Variants in JADE3 observed in about 807,000 individuals in gnomAD.
JADE3 encodes protein Jade-3.
In JADE3, 2 loss-of-function variants were observed where a neutral mutation model predicts 50.1. That is an observed-to-expected ratio of 0.04 (90% CI 0.02 to 0.13). The LOEUF (loss-of-function observed/expected upper bound fraction) is 0.13. JADE3 is among the 10% of genes least tolerant of loss of function. JADE3 has a pLI of 1.00. For synonymous variants in JADE3, 218 were observed against 232.9 expected (o/e 0.94, Z 0.58); for missense variants, 475 against 634.4 (o/e 0.75, Z 2.70).
intron 1 of JADE3, among the ~76,000 whole-genome samples, chrX:46,923,788 G>A (rs1926296847): frequency 2.7e-5 from 3 of 110,711 alleles, no homozygotes; most frequent in Non-Finnish European, 5.7e-5. Flanking sequence ...TTTTTACTTT[G>A]TGCTGCTTCC....
chrX:47,033,597 C>T (rs1283568651), intron 6 of JADE3, 24 bp from the exon 7 acceptor site: 39 of 1,179,418 alleles, frequency 3.3e-5, no homozygotes, highest in Non-Finnish European at 4.3e-5. Context: ...TGACCATTCT[C>T]CCCTCTCCTC....
chrX:47,027,767 T>A, intron 5 of JADE3, 125 bp from the exon 6 acceptor site: 1 of 528,306 alleles, frequency 1.9e-6, no homozygotes, highest in Non-Finnish European at 3.1e-6. Flanking sequence ...TCTGGTTGTT[T>A]TAGAGCAGGA....
rs1177978716 is a variant in JADE3, at chrX:47,060,901, A to G, written c.*1824A>G. On this transcript the variant is annotated 3_prime_UTR_variant, in exon 11 of 11. Coordinates refer to ENST00000614628, the MANE Select transcript of JADE3 (RefSeq NM_014735.5). ...AGCCTTTGTCCCTTCATGCCTTTCA[A>G]TTCTGAGTGGGAGGAAAAGCAAACA... 1 of 112,164 alleles carries G rather than the reference A, an allele frequency of 8.9e-6. No individual in the cohort carries two copies. Among genetic ancestry groups the G allele is most frequent in the African/African-American group, 3.2e-5 (1 of 30,788 alleles). 9.2% of individuals were successfully genotyped at this position (112,164 alleles called of 1,213,427 possible).
chrX:47,058,520 C>T lies in JADE3; in HGVS notation c.1915C>T (p.Pro639Ser). 4 of 1,211,639 alleles carry T rather than the reference C, an allele frequency of 3.3e-6. No homozygotes were observed. Among genetic ancestry groups the T allele is most frequent in the Non-Finnish European group, 4.5e-6 (4 of 895,413 alleles). The change falls in exon 11 of 11, where the codon CCT becomes TCT. Residue 639 changes from proline (P) to serine (S), a missense_variant. This residue lies in a region of JADE3 where 243 missense variants were observed against 238.2 expected (regional missense o/e 1.02). Transcript: ENST00000614628. ...CTATCATGGGCAGTCACTGGGAAAG[C>T]CTCTGGTCCTTCAGGCTGCCCTCCA... ...ECYHGQSLGK[P>S]LVLQAALHGQ...
intron 1 of JADE3, among the ~76,000 whole-genome samples, chrX:46,956,225 T>C (rs1927111839): frequency 9.0e-6 from 1 of 111,304 alleles, no homozygotes; most frequent in South Asian, 3.8e-4. Flanking sequence ...CCACCACACC[T>C]GGCTAATTTT....
intron 4 of JADE3, among the ~76,000 whole-genome samples, chrX:47,007,518 A>G (rs1259302502): frequency 9.0e-6 from 1 of 111,444 alleles, no homozygotes; most frequent in Non-Finnish European, 1.9e-5. Flanking sequence ...ATCATTATAT[A>G]ATATTCCTCT....
At chrX:46,914,196 CT>C (rs1381971358) in intron 1 of JADE3, among the ~76,000 whole-genome samples, 1 of 112,154 alleles carries the variant, frequency 8.9e-6, no homozygotes, top group Non-Finnish European at 1.9e-5. Flanking sequence ...CCTTTAGCCA[CT>C]TCTTGTCAGC....
At chrX:46,992,280 ACCGCCCCCTGCC>A (rs1259023327) in intron 3 of JADE3, among the ~76,000 whole-genome samples, 8 of 108,607 alleles carry the variant, frequency 7.4e-5, no homozygotes. Context: ...TTCTCCAGGT[ACCGCCCCCTGCC>A]CCGGCCCTGC....
At chrX:46,919,979 CT>C (rs1926186552) in intron 1 of JADE3, among the ~76,000 whole-genome samples, 1 of 110,439 alleles carries the variant, frequency 9.1e-6, no homozygotes, top group Non-Finnish European at 1.9e-5. Context: ...TGGTAATATC[CT>C]AAGGGTCAAT....
Position 46,990,510 on chromosome X carries a change from G to C in JADE3, c.126+4718G>C, listed in dbSNP as rs890050007. The stretch of plus-strand genomic sequence containing the variant: ...TGATGGAGGGTATGGTGGTAGTGAA[G>C]GTACCACCTTATTGATCAGTGATGG... On this transcript the variant is annotated intron_variant, in intron 3 of 10. Transcript: ENST00000614628. Among the ~76,000 whole-genome samples the C allele has an allele frequency of 1.1e-3, 118 of 110,702 alleles. 1 individual carries two copies. The highest frequency in any genetic ancestry group is 2.1e-4 in the Non-Finnish European group (11 of 52,871).
At chrX:47,030,810 G>C (rs1929002185) in intron 6 of JADE3, among the ~76,000 whole-genome samples, 1 of 111,739 alleles carries the variant, frequency 8.9e-6, no homozygotes, top group South Asian at 3.7e-4. Context: ...CCAGCACTTT[G>C]GGAGGCCGAG....
chrX:46,945,151 T>G (rs1250111574), intron 1 of JADE3, among the ~76,000 whole-genome samples: 1 of 109,744 alleles, frequency 9.1e-6, no homozygotes, highest in African/African-American at 3.3e-5. Flanking sequence ...ATATGTGTAT[T>G]TTATAGCTAT....
chrX:46,975,565 T>TG (rs1419322573), intron 1 of JADE3, among the ~76,000 whole-genome samples: 1 of 110,996 alleles, frequency 9.0e-6, no homozygotes, highest in Admixed American at 9.6e-5. Flanking sequence ...TTTAAATGAC[T>TG]GGATGAAATA....
In JADE3 at chrX:47,039,011, T is replaced by G; in HGVS notation, c.918T>G (p.Ser306Arg). 8.3e-7 allele frequency: 1 copy of G among 1,201,892 alleles called. No individual in the cohort carries two copies. The highest frequency in any genetic ancestry group is 1.1e-6 in the Non-Finnish European group (1 of 887,345). The change falls in exon 8 of 11, where the codon AGT (serine) becomes AGG (arginine). Residue 306 changes from serine (S) to arginine (R), a missense_variant. Around this residue, in one of 6 missense-constraint regions of JADE3, gnomAD observed 54 missense variants for 156.2 expected, o/e 0.35. Transcript: ENST00000614628. ...PITKISHIPP[S>R]RWALVCNLCK... is the part of the protein sequence containing the mutation. The stretch of plus-strand genomic sequence containing the variant: ...CGAAGATCTCCCACATCCCACCCAG[T>G]CGGTGGGCCTTAGTCTGCAACTTGT...
At chrX:46,934,593 C>T (rs1378117204) in intron 1 of JADE3, among the ~76,000 whole-genome samples, 2 of 110,329 alleles carry the variant, frequency 1.8e-5, no homozygotes, top group Admixed American at 9.7e-5. Flanking sequence ...TCACCGCGCC[C>T]GGCCTTTTTT....
intron 1 of JADE3, among the ~76,000 whole-genome samples, chrX:46,956,490 A>G (rs1450420504): frequency 8.9e-6 from 1 of 112,964 alleles, no homozygotes; most frequent in Non-Finnish European, 1.9e-5. Context: ...CAGAATTATC[A>G]ACAATTAAGA....
rs190431578 is a variant in JADE3 at position 46,928,176 on chromosome X, T to C, written c.-12+15457T>C. 2.7e-5 allele frequency among the ~76,000 whole-genome samples: 3 copies of C among 111,760 alleles called. No individual in the cohort carries two copies. In the East Asian group the frequency reaches 8.5e-4, roughly 31 times the overall value. ...CCATCAACAATCCAACACTCATGTT[T>C]ACCTGCACCTTTCCTCACAGCTGGG... On this transcript the variant is annotated intron_variant, in intron 1 of 10. Coordinates refer to ENST00000614628, the MANE Select transcript of JADE3 (RefSeq NM_014735.5).
chrX:46,999,153 G>A (rs1928211088), intron 4 of JADE3, among the ~76,000 whole-genome samples: 1 of 110,299 alleles, frequency 9.1e-6, no homozygotes, highest in Admixed American at 9.8e-5. Flanking sequence ...GATCACAAGA[G>A]TGAGCCAAGC....
chrX:47,016,206 G>A (rs1928673254), intron 4 of JADE3, among the ~76,000 whole-genome samples: 1 of 111,296 alleles, frequency 9.0e-6, no homozygotes, highest in African/African-American at 3.3e-5. Context: ...AAGGGGGCTG[G>A]AGAACGCAGT....
Sources: allele counts gnomAD v4.1 joint callset (sites outside exome capture counted in the v4.1 genomes callset), GRCh38; gene constraint gnomAD v4.1.1; regional missense constraint gnomAD v4.1.1; transcripts MANE v1.5; gene names NCBI Gene and HGNC (gene_info 2026-07-23, HGNC 2026-07-21).